HSD17B4: variants seen among roughly 807,000 people sequenced by gnomAD.
HSD17B4 encodes peroxisomal multifunctional enzyme type 2.
HSD17B4 carries 70 observed loss-of-function variants against 101.0 expected under a neutral mutation model. The ratio of observed to expected loss-of-function variants is 0.69; its 90% CI spans 0.57 to 0.85. HSD17B4 has a LOEUF of 0.85. HSD17B4 is among the 40% of genes least tolerant of loss of function. The pLI, the probability that HSD17B4 is intolerant of heterozygous loss-of-function variation, is 0.00. For synonymous variants in HSD17B4, 347 were observed against 297.1 expected (o/e 1.17, Z -1.73); for missense variants, 984 against 892.4 (o/e 1.10, Z -1.31).
intron 23 of HSD17B4, among the ~76,000 whole-genome samples, chr5:119,539,611 A>G (rs1405012786): frequency 1.3e-5 from 2 of 152,116 alleles, no homozygotes; most frequent in African/African-American, 4.8e-5. Flanking sequence ...AGAAGTGGAC[A>G]AAAGGTATGG....
chr5:119,475,773 T>A lies in HSD17B4; in HGVS notation c.302+46T>A, dbSNP rs188108082. On this transcript the variant is annotated intron_variant, in intron 5 of 23. Coordinates refer to ENST00000510025, the MANE Select transcript of HSD17B4 (RefSeq NM_000414.4). ...TTTAGTGATGTGTGTATAATTTTTT[T>A]AAAAAGTATATACTTTCCTCCTTTT... is the stretch of plus-strand genomic sequence containing the variant. The A allele has an allele frequency of 2.6e-4, 406 of 1,577,724 alleles. 1 individual carries two copies. The highest frequency in any genetic ancestry group is 2.7e-4 in the Non-Finnish European group (307 of 1,147,500).
chr5:119,511,793 A>G (rs1413663981), intron 16 of HSD17B4, among the ~76,000 whole-genome samples: 1 of 152,260 alleles, frequency 6.6e-6, no homozygotes, highest in Non-Finnish European at 1.5e-5. Context: ...GTGGGGGATT[A>G]GTGTCTAGAG....
chr5:119,478,947 G>T lies in HSD17B4; in HGVS notation c.548G>T (p.Arg183Met). 6.2e-7 allele frequency: 1 copy of T among 1,613,678 alleles called. No homozygotes were observed. Among genetic ancestry groups the T allele is most frequent in the Non-Finnish European group, 8.5e-7 (1 of 1,179,692 alleles). ...GCAAATTCTCTTGCAATTGAAGGCA[G>T]GAAAAGCAACATTCATTGTAACACC... Reference protein sequence around the residue: ...GLANSLAIEGRKSNIHCNTIA... With the variant: ...GLANSLAIEGMKSNIHCNTIA... Residue 183 changes from arginine to methionine, a missense_variant, in exon 8 of 24, where the codon AGG (arginine) becomes ATG (methionine). By Grantham distance (91) the Arg-to-Met change is moderately conservative. Transcript: ENST00000510025.
In HSD17B4 at chr5:119,499,524, A is replaced by G. The variant is rs764956942; in HGVS notation, c.1180A>G (p.Ile394Val). ...TATGATGGGTGGAGGATTAGCAGAA[A>G]TTCCTGGACTTTCAATCAACTTTGC... The part of the protein sequence containing the change: ...KSMMGGGLAE[I>V]PGLSINFAKV... Residue 394 changes from isoleucine (I) to valine (V), a missense_variant, in exon 13 of 24, where the codon ATT (isoleucine) becomes GTT (valine). By Grantham distance (29) the Ile-to-Val change is conservative. Transcript: ENST00000510025. The G allele has an allele frequency of 3.2e-5, 52 of 1,612,802 alleles. No homozygotes were observed. Among genetic ancestry groups the G allele is most frequent in the Non-Finnish European group, 3.7e-5 (44 of 1,179,010 alleles).
At chr5:119,473,866 T>A (rs982485751) in intron 2 of HSD17B4, 42 bp from the exon 3 acceptor site, 9 of 1,144,830 alleles carry the variant, frequency 7.9e-6, no homozygotes, top group Non-Finnish European at 1.1e-5. Context: ...ATTTTGAAAG[T>A]CTAGAATAAT....
intron 17 of HSD17B4, among the ~76,000 whole-genome samples, chr5:119,521,083 G>A (rs541425748): frequency 1.4e-4 from 22 of 152,304 alleles, no homozygotes; most frequent in African/African-American, 4.8e-4. Flanking sequence ...TTCTGTGGAA[G>A]GTTTCCCAAG....
intron 8 of HSD17B4, among the ~76,000 whole-genome samples, chr5:119,483,214 C>G (rs1161583561): frequency 6.6e-6 from 1 of 152,142 alleles, no homozygotes; most frequent in Non-Finnish European, 1.5e-5. Flanking sequence ...AGTCCACATT[C>G]AGCCTCTAGC....
rs553633482 is a variant in HSD17B4, at chr5:119,528,627, T to G, written c.1768-1267T>G. 2.6e-5 allele frequency among the ~76,000 whole-genome samples: 4 copies of G among 152,274 alleles called. No homozygotes were observed. The South Asian group carries it at 8.3e-4, about 32-fold the overall frequency. ...GTAAGTTTTGCTTTTTGATTAAGAT[T>G]ATGAACTCTAAAAGTGTTAAGGACC... On this transcript the variant is annotated intron_variant, in intron 20 of 23. Transcript: ENST00000510025.
intron 9 of HSD17B4, among the ~76,000 whole-genome samples, chr5:119,490,734 A>G (rs1750027455): frequency 6.6e-6 from 1 of 151,910 alleles, no homozygotes; most frequent in African/African-American, 2.4e-5. Flanking sequence ...AAACCCAGCT[A>G]ATTTTTGTAT....
At chr5:119,478,719 A>C (rs192036834) in intron 7 of HSD17B4, 115 bp from the exon 8 acceptor site, 2 of 749,056 alleles carry the variant, frequency 2.7e-6, no homozygotes, top group Non-Finnish European at 4.7e-6. Context: ...GTAAGAAGCT[A>C]ATGACAGTAC....
intron 8 of HSD17B4, among the ~76,000 whole-genome samples, chr5:119,479,965 A>G (rs1233863168): frequency 6.6e-6 from 1 of 152,184 alleles, no homozygotes; most frequent in Non-Finnish European, 1.5e-5. Context: ...CCAGCAATTA[A>G]TGAGAGTTCT....
chr5:119,455,562 C>CTATATATA (rs1348182779), intron 1 of HSD17B4, among the ~76,000 whole-genome samples: 10 of 131,486 alleles, frequency 7.6e-5, no homozygotes, highest in African/African-American at 2.8e-4. Flanking sequence ...CTCTCTCTCT[C>CTATATATA]TCTCTCTATA....
At chr5:119,475,188 G>T (rs1748466471) in intron 4 of HSD17B4, among the ~76,000 whole-genome samples, 1 of 151,992 alleles carries the variant, frequency 6.6e-6, no homozygotes, top group African/African-American at 2.4e-5. Flanking sequence ...GAAATCATAG[G>T]GTGAAAATAG....
At chr5:119,468,698 A>G (rs142222506) in intron 2 of HSD17B4, among the ~76,000 whole-genome samples, 2 of 152,096 alleles carry the variant, frequency 1.3e-5, no homozygotes, top group Non-Finnish European at 2.9e-5. Context: ...AATGTTTTCT[A>G]TGCCCAACTT....
chr5:119,487,908 T>A (rs1366014691), intron 8 of HSD17B4, among the ~76,000 whole-genome samples: 1 of 152,174 alleles, frequency 6.6e-6, no homozygotes, highest in Non-Finnish European at 1.5e-5. Flanking sequence ...CTCGTGCATA[T>A]AATGAAAAAT....
intron 17 of HSD17B4, among the ~76,000 whole-genome samples, chr5:119,516,524 A>T (rs1752626292): frequency 6.6e-6 from 1 of 152,162 alleles, no homozygotes; most frequent in Non-Finnish European, 1.5e-5. Flanking sequence ...GTGACAAAAG[A>T]CGGTTTTTAA....
At chr5:119,518,392 C>T (rs1252440374) in intron 17 of HSD17B4, among the ~76,000 whole-genome samples, 2 of 152,184 alleles carry the variant, frequency 1.3e-5, no homozygotes, top group Non-Finnish European at 2.9e-5. Context: ...AGCTGTAACA[C>T]TCACTGTGAG....
At chr5:119,494,390 T>TTTCTTTCTTTCC (rs1750440600) in intron 11 of HSD17B4, among the ~76,000 whole-genome samples, 1 of 145,506 alleles carries the variant, frequency 6.9e-6, no homozygotes, top group African/African-American at 2.6e-5. Context: ...TCTTTCTTTC[T>TTTCTTTCTTTCC]CAAAAAGATT....
chr5:119,478,779 G>A (rs1045053143), intron 7 of HSD17B4, 55 bp from the exon 8 acceptor site: 2 of 1,448,248 alleles, frequency 1.4e-6, no homozygotes, highest in African/African-American at 1.4e-5. Context: ...AGTTAGAGTT[G>A]CAATGTTATC....
Sources: allele counts gnomAD v4.1 joint callset (sites outside exome capture counted in the v4.1 genomes callset), GRCh38; gene constraint gnomAD v4.1.1; transcripts MANE v1.5; gene names NCBI Gene and HGNC (gene_info 2026-07-23, HGNC 2026-07-21).